Variants in SNTG1 observed in about 807,000 individuals in gnomAD.
The protein encoded by SNTG1 is gamma-1-syntrophin.
In SNTG1, 39 loss-of-function variants were observed where a neutral mutation model predicts 74.7. The observed-to-expected ratio is 0.52, with a 90% CI of 0.40 to 0.68. The LOEUF (loss-of-function observed/expected upper bound fraction) is 0.68, where lower values mean the gene tolerates loss of function less well. Among genes scored for constraint, SNTG1 ranks in the 30% least tolerant of loss-of-function variants. The pLI is 0.00. For synonymous variants in SNTG1, 254 were observed against 217.1 expected (o/e 1.17, Z -1.49); for missense variants, 685 against 609.5 (o/e 1.12, Z -1.30).
chr8:50,511,893 T>C (rs911909245), intron 9 of SNTG1, among the ~76,000 whole-genome samples: 1 of 152,194 alleles, frequency 6.6e-6, no homozygotes, highest in Admixed American at 6.5e-5. Flanking sequence ...TGTCTTTTAA[T>C]TGGAGCATTT....
At chr8:50,203,307 G>A (rs1257043723) in intron 2 of SNTG1, among the ~76,000 whole-genome samples, 1 of 152,034 alleles carries the variant, frequency 6.6e-6, no homozygotes, top group Non-Finnish European at 1.5e-5. Context: ...TTTTCCAGAA[G>A]TGTTAACTTT....
At chr8:50,137,748 A>G (rs2081521548) in intron 1 of SNTG1, among the ~76,000 whole-genome samples, 1 of 152,114 alleles carries the variant, frequency 6.6e-6, no homozygotes. Context: ...TCCAGGCAGG[A>G]GGCAGCTTCC....
At chr8:50,287,813 A>T (rs1010415401) in intron 2 of SNTG1, among the ~76,000 whole-genome samples, 1 of 152,102 alleles carries the variant, frequency 6.6e-6, no homozygotes, top group Admixed American at 6.6e-5. Context: ...TGGTGACAAC[A>T]TTCCATACCA....
intron 2 of SNTG1, among the ~76,000 whole-genome samples, chr8:50,246,924 C>T (rs976768597): frequency 6.6e-6 from 1 of 152,168 alleles, no homozygotes. Flanking sequence ...TGTTACAATT[C>T]TTTAAGCAAA....
chr8:50,097,821 T>C (rs2079986546), intron 1 of SNTG1, among the ~76,000 whole-genome samples: 1 of 152,212 alleles, frequency 6.6e-6, no homozygotes, highest in African/African-American at 2.4e-5. Context: ...CAGTACCAGA[T>C]ACAAAAGAAC....
intron 2 of SNTG1, among the ~76,000 whole-genome samples, chr8:50,199,313 G>T (rs775157490): frequency 6.0e-5 from 9 of 150,538 alleles, no homozygotes; most frequent in Non-Finnish European, 1.3e-4. Context: ...TGTCTCCCCA[G>T]TTCAAGTGAT....
intron 2 of SNTG1, among the ~76,000 whole-genome samples, chr8:50,311,600 T>A (rs2090116641): frequency 6.6e-6 from 1 of 152,234 alleles, no homozygotes; most frequent in African/African-American, 2.4e-5. Context: ...ATAAATGCTT[T>A]GGGCCTATGT....
intron 2 of SNTG1, among the ~76,000 whole-genome samples, chr8:50,199,748 G>A (rs901257606): frequency 3.9e-5 from 6 of 152,134 alleles, no homozygotes; most frequent in Non-Finnish European, 8.8e-5. Flanking sequence ...TGTAGGGTGC[G>A]AGTCAGCCAA....
intron 8 of SNTG1, among the ~76,000 whole-genome samples, chr8:50,477,253 T>C (rs1349547269): frequency 6.6e-6 from 1 of 152,068 alleles, no homozygotes; most frequent in African/African-American, 2.4e-5. Context: ...ATTTAGCGTG[T>C]AGAAATGTGA....
At chr8:50,466,640 G>A (rs1239155572) in intron 8 of SNTG1, among the ~76,000 whole-genome samples, 2 of 151,922 alleles carry the variant, frequency 1.3e-5, no homozygotes, top group East Asian at 3.9e-4. Context: ...CAGCATCTAA[G>A]CAATGTTGAG....
intron 8 of SNTG1, among the ~76,000 whole-genome samples, chr8:50,457,666 G>T (rs1047787771): frequency 2.6e-5 from 4 of 152,130 alleles, no homozygotes; most frequent in Admixed American, 2.0e-4. Flanking sequence ...TAGACAAGAC[G>T]GGGGGAATCC....
intron 1 of SNTG1, among the ~76,000 whole-genome samples, chr8:50,112,074 G>C (rs2080614630): frequency 6.6e-6 from 1 of 152,108 alleles, no homozygotes; most frequent in South Asian, 2.1e-4. Context: ...GAAAAGACAA[G>C]TGTTAATCTT....
At chr8:49,939,520 T>C (rs1473964347) in intron 1 of SNTG1, among the ~76,000 whole-genome samples, 4 of 152,202 alleles carry the variant, frequency 2.6e-5, no homozygotes, top group Non-Finnish European at 5.9e-5. Context: ...ATGCTGGTCT[T>C]GAACTCCTGG....
intron 6 of SNTG1, among the ~76,000 whole-genome samples, 174 bp downstream of exon 6, chr8:50,449,899 G>T (rs577137005): frequency 2.0e-5 from 3 of 152,262 alleles, no homozygotes; most frequent in African/African-American, 7.2e-5. Flanking sequence ...ATCCTCCTGT[G>T]GGAGAGGACT....
intron 2 of SNTG1, among the ~76,000 whole-genome samples, chr8:50,384,270 G>C (rs987276048): frequency 3.3e-5 from 5 of 152,188 alleles, no homozygotes; most frequent in African/African-American, 1.2e-4. Flanking sequence ...GACCAGCCCA[G>C]TGAAATTTAT....
chr8:50,392,572 GA>G (rs1166150026), intron 2 of SNTG1, among the ~76,000 whole-genome samples: 1 of 152,044 alleles, frequency 6.6e-6, no homozygotes, highest in African/African-American at 2.4e-5. Context: ...ACTTCATTTT[GA>G]TATGGTCTAG....
chr8:50,135,145 CCT>C (rs919822076), intron 1 of SNTG1, among the ~76,000 whole-genome samples: 1 of 152,108 alleles, frequency 6.6e-6, no homozygotes, highest in African/African-American at 2.4e-5. Context: ...AGCCCTACCC[CCT>C]GTCAACAAGA....
intron 8 of SNTG1, among the ~76,000 whole-genome samples, chr8:50,483,704 T>A (rs1323239356): frequency 6.6e-6 from 1 of 152,194 alleles, no homozygotes; most frequent in Admixed American, 6.5e-5. Flanking sequence ...TAGTTACATG[T>A]TGTGCAAACA....
intron 2 of SNTG1, among the ~76,000 whole-genome samples, chr8:50,301,013 A>G (rs955313615): frequency 6.6e-5 from 10 of 152,068 alleles, no homozygotes; most frequent in Non-Finnish European, 1.5e-5. Flanking sequence ...GTCTTTTTCA[A>G]TAGTTTGAAA....
Sources: gnomAD v4.1 joint callset for allele counts (sites outside exome capture counted in the v4.1 genomes callset) on GRCh38, gnomAD v4.1.1 for gene constraint, MANE v1.5 for transcripts, NCBI Gene and HGNC (gene_info 2026-07-23, HGNC 2026-07-21) for gene names.